The following ANO4 variants were observed in gnomAD, a reference collection of about 807,000 sequenced individuals.
The protein encoded by ANO4 is anoctamin-4.
A neutral mutation model predicts 141.9 loss-of-function variants in ANO4; 69 were observed. The observed-to-expected ratio is 0.49, with a 90% CI of 0.40 to 0.59. ANO4 has a LOEUF of 0.59. Ranked by LOEUF, ANO4 falls within the 20% of genes least tolerant of loss-of-function variation. The pLI is 0.00. For synonymous variants in ANO4, 350 were observed against 394.3 expected (o/e 0.89, Z 1.33); for missense variants, 894 against 1,162.2 (o/e 0.77, Z 3.36).
intron 5 of ANO4, among the ~76,000 whole-genome samples, chr12:100,948,997 C>T (rs1389971754): frequency 6.6e-6 from 1 of 152,122 alleles, no homozygotes; most frequent in Non-Finnish European, 1.5e-5. Flanking sequence ...TGAAGAGGGC[C>T]ACCTAGCAAA....
chr12:100,912,743 G>T (rs75369645), intron 2 of ANO4, among the ~76,000 whole-genome samples: 12,350 of 152,178 alleles, frequency 0.081, 662 homozygotes, highest in African/African-American at 0.13. Context: ...CTGAAGCGTG[G>T]ATGAGATAAT....
chr12:101,115,298 G>T (rs1412344179), intron 24 of ANO4, among the ~76,000 whole-genome samples: 1 of 152,060 alleles, frequency 6.6e-6, no homozygotes, highest in African/African-American at 2.4e-5. Context: ...ACTTTAAGAA[G>T]TTACGTAAAT....
intron 5 of ANO4, among the ~76,000 whole-genome samples, chr12:100,970,543 C>A (rs894954691): frequency 6.6e-6 from 1 of 152,116 alleles, no homozygotes. Context: ...CTTTCCTTGA[C>A]CCCTTGTCCA....
intron 3 of ANO4, among the ~76,000 whole-genome samples, chr12:100,755,024 T>G (rs1017032947): frequency 2.0e-5 from 3 of 152,184 alleles, no homozygotes; most frequent in African/African-American, 7.2e-5. Context: ...ATGTCACTAA[T>G]GGTAAATTTG....
chr12:100,733,236 C>T (rs1034723239), intron 1 of ANO4, among the ~76,000 whole-genome samples: 1 of 152,208 alleles, frequency 6.6e-6, no homozygotes, highest in African/African-American at 2.4e-5. Context: ...CTCTCCTTCT[C>T]TTACTGCATT....
At chr12:100,765,497 G>A (rs2033037954) in intron 3 of ANO4, among the ~76,000 whole-genome samples, 1 of 149,968 alleles carries the variant, frequency 6.7e-6, no homozygotes, top group African/African-American at 2.5e-5. Context: ...TCCCACTGCA[G>A]CCTCCTGAGT....
chr12:100,997,750 A>G (rs1490249731), intron 8 of ANO4, among the ~76,000 whole-genome samples: 1 of 152,134 alleles, frequency 6.6e-6, no homozygotes, highest in Non-Finnish European at 1.5e-5. Flanking sequence ...AAGAAAACCA[A>G]TACCATAGGT....
chr12:101,073,971 A>G (rs921119328), intron 14 of ANO4, among the ~76,000 whole-genome samples: 1 of 152,266 alleles, frequency 6.6e-6, no homozygotes. Flanking sequence ...AAAGCATGCA[A>G]AACTCTGTCT....
intron 2 of ANO4, among the ~76,000 whole-genome samples, chr12:100,919,357 A>G (rs991179437): frequency 2.0e-5 from 3 of 152,154 alleles, no homozygotes; most frequent in African/African-American, 7.2e-5. Flanking sequence ...AGCTCCATTC[A>G]TGGTAAATGC....
chr12:100,805,650 A>G (rs1229227673), intron 1 of ANO4, among the ~76,000 whole-genome samples: 1 of 152,086 alleles, frequency 6.6e-6, no homozygotes, highest in African/African-American at 2.4e-5. Context: ...AGTGGCTTGT[A>G]GTTCTCCTTG....
chr12:100,961,017 A>G (rs1484175881), intron 5 of ANO4, among the ~76,000 whole-genome samples: 1 of 152,218 alleles, frequency 6.6e-6, no homozygotes, highest in Non-Finnish European at 1.5e-5. Flanking sequence ...TTCTCTCCCA[A>G]TAGATAGTAG....
intron 9 of ANO4, among the ~76,000 whole-genome samples, chr12:101,027,236 A>G (rs1017251490): frequency 2.6e-4 from 39 of 152,208 alleles, no homozygotes; most frequent in African/African-American, 9.2e-4. Context: ...CACGGATTAG[A>G]AGATCCCACT....
At chr12:100,928,827 C>T (rs1851227403) in intron 3 of ANO4, among the ~76,000 whole-genome samples, 1 of 152,132 alleles carries the variant, frequency 6.6e-6, no homozygotes, top group South Asian at 2.1e-4. Context: ...AGAAGCTCTT[C>T]TTAGCAAATA....
chr12:100,838,909 G>C (rs1593477443), intron 1 of ANO4, among the ~76,000 whole-genome samples: 1 of 152,164 alleles, frequency 6.6e-6, no homozygotes, highest in African/African-American at 2.4e-5. Flanking sequence ...ATGGAGGACT[G>C]AGAAGCAAGG....
intron 1 of ANO4, among the ~76,000 whole-genome samples, chr12:100,827,874 T>A (rs1264389318): frequency 6.6e-6 from 1 of 151,972 alleles, no homozygotes; most frequent in East Asian, 1.9e-4. Context: ...GATGCTACGC[T>A]TCTGGCCTTC....
intron 5 of ANO4, among the ~76,000 whole-genome samples, chr12:100,959,053 T>C (rs909591450): frequency 3.9e-5 from 6 of 152,054 alleles, no homozygotes; most frequent in African/African-American, 1.4e-4. Context: ...CTGCCCTCTC[T>C]CTGCCCAATC....
intron 1 of ANO4, among the ~76,000 whole-genome samples, chr12:100,818,527 G>A (rs1308564357): frequency 2.0e-5 from 3 of 151,832 alleles, no homozygotes; most frequent in Admixed American, 2.0e-4. Flanking sequence ...AGTCATCTCT[G>A]AGCTTCATCA....
chr12:100,750,452 G>A (rs2032323858), intron 3 of ANO4, among the ~76,000 whole-genome samples: 1 of 151,942 alleles, frequency 6.6e-6, no homozygotes, highest in South Asian at 2.1e-4. Context: ...CCTAGATTCT[G>A]CATTTCTAAC....
At chr12:101,103,503 T>A (rs539789547) in intron 22 of ANO4, among the ~76,000 whole-genome samples, 178 of 151,824 alleles carry the variant, frequency 1.2e-3, no homozygotes, top group African/African-American at 3.6e-3. Flanking sequence ...TGTGATTTTT[T>A]AAAAAATTTT....
Sources: allele counts gnomAD v4.1 joint callset (sites outside exome capture counted in the v4.1 genomes callset), GRCh38; gene constraint gnomAD v4.1.1; transcripts MANE v1.5; gene names NCBI Gene and HGNC (gene_info 2026-07-23, HGNC 2026-07-21).